Variants in LEPROT observed in about 807,000 individuals in gnomAD.
The protein encoded by LEPROT is leptin receptor gene-related protein.
A neutral mutation model predicts 15.4 loss-of-function variants in LEPROT; 3 were observed. That is an observed-to-expected ratio of 0.19 (90% CI 0.09 to 0.50). LEPROT has a LOEUF of 0.50. LEPROT is among the 20% of genes least tolerant of loss of function. LEPROT has a pLI of 0.97. For missense variants in LEPROT, 137 were observed against 162.2 expected, an observed-to-expected ratio of 0.84 and a Z score of 0.84; for synonymous variants, 59 against 57.5, an observed-to-expected ratio of 1.03 and a Z score of -0.12.
rs994212259 is a variant in LEPROT, at chr1:65,434,532, C to A, written c.*2613C>A. 3.0e-6 allele frequency: 3 copies of A among 984,826 alleles called. No individual in the cohort carries two copies. The highest frequency in any genetic ancestry group is 3.6e-6 in the Non-Finnish European group (3 of 829,568). 61.0% of individuals were successfully genotyped at this position (984,826 alleles called of 1,614,324 possible). ...TTGGTGATTGAGTTCCCAGGCCAAGCCTCCCTCAACAGGTTCAACTCTAAT... is the reference window on the plus strand; with the variant it reads ...TTGGTGATTGAGTTCCCAGGCCAAGACTCCCTCAACAGGTTCAACTCTAAT... On this transcript the variant is annotated 3_prime_UTR_variant, in exon 4 of 4. Coordinates refer to ENST00000371065, the MANE Select transcript of LEPROT (RefSeq NM_017526.5).
At chr1:65,428,322 C>T (rs946262221) in intron 2 of LEPROT, among the ~76,000 whole-genome samples, 2 of 151,976 alleles carry the variant, frequency 1.3e-5, no homozygotes, top group African/African-American at 4.8e-5. Flanking sequence ...CACTGTATTC[C>T]AGGAAAAATT....
At chr1:65,421,210 C>A in intron 1 of LEPROT, 1 of 1,093,114 alleles carries the variant, frequency 9.1e-7, no homozygotes, top group Non-Finnish European at 1.3e-6. Context: ...GCAGAGTTGA[C>A]CGCGGGCGGG....
rs904686740 is a variant in LEPROT at position 65,435,960 on chromosome 1, G to A, written c.*4041G>A. 1.0e-5 allele frequency: 10 copies of A among 985,078 alleles called. No individual in the cohort carries two copies. Among genetic ancestry groups the A allele is most frequent in the East Asian group, 2.3e-4 (2 of 8,836 alleles). 61.0% of individuals were successfully genotyped at this position (985,078 alleles called of 1,614,324 possible). A position where few individuals can be genotyped will look rare whatever the true frequency, so the allele number is the denominator to read the frequency against. On this transcript the variant is annotated 3_prime_UTR_variant, in exon 4 of 4. Coordinates refer to ENST00000371065, the MANE Select transcript of LEPROT (RefSeq NM_017526.5). ...TGATACATGTAACCCCAAATGTGATGTGAGAGGACGATTACTTTGTAAATA... is the reference window on the plus strand; with the variant it reads ...TGATACATGTAACCCCAAATGTGATATGAGAGGACGATTACTTTGTAAATA...
At position 65,431,979 on chromosome 1, in the gene LEPROT, T is replaced by A; in HGVS notation, c.*60T>A. 6.5e-7 allele frequency: 1 copy of A among 1,528,728 alleles called. No individual in the cohort carries two copies. 94.7% of individuals were successfully genotyped at this position (1,528,728 alleles called of 1,614,324 possible). On this transcript the variant is annotated 3_prime_UTR_variant, in exon 4 of 4. Transcript: ENST00000371065. Reference sequence around the variant, plus strand: ...AGAACTCATACTATCTGTATACATGTGCACATGCGGCATTTTACTATGAAA... The same window carrying A: ...AGAACTCATACTATCTGTATACATGAGCACATGCGGCATTTTACTATGAAA...
Position 65,434,056 on chromosome 1 carries a change from A to G in LEPROT, c.*2137A>G, listed in dbSNP as rs189785466. ...TTTTTGTTGCTTATACACATTTTCAATAACCAAGGTAGCCTTCATATGTAG... is the reference window on the plus strand; with the variant it reads ...TTTTTGTTGCTTATACACATTTTCAGTAACCAAGGTAGCCTTCATATGTAG... On this transcript the variant is annotated 3_prime_UTR_variant, in exon 4 of 4. Coordinates refer to ENST00000371065, the MANE Select transcript of LEPROT (RefSeq NM_017526.5). 6.1e-6 allele frequency: 6 copies of G among 985,262 alleles called. No homozygotes were observed. Among genetic ancestry groups the G allele is most frequent in the East Asian group, 1.1e-4 (1 of 8,826 alleles). 61.0% of individuals were successfully genotyped at this position (985,262 alleles called of 1,614,324 possible). A position where few individuals can be genotyped will look rare whatever the true frequency, so the allele number is the denominator to read the frequency against.
chr1:65,423,281 C>A (rs1378162975), intron 1 of LEPROT, among the ~76,000 whole-genome samples: 1 of 151,972 alleles, frequency 6.6e-6, no homozygotes, highest in African/African-American at 2.4e-5. Context: ...AAGTTTTCAG[C>A]AGGAGTGCGT....
At chr1:65,426,976 G>A (rs533064559) in intron 2 of LEPROT, among the ~76,000 whole-genome samples, 23 of 149,300 alleles carry the variant, frequency 1.5e-4, no homozygotes, top group East Asian at 6.3e-4. Context: ...CTAGCCTGGC[G>A]ACAGAGCAAG....
At chr1:65,429,123 G>T (rs1383597908) in intron 2 of LEPROT, among the ~76,000 whole-genome samples, 1 of 152,172 alleles carries the variant, frequency 6.6e-6, no homozygotes, top group African/African-American at 2.4e-5. Context: ...TTCAAAGAGG[G>T]TGGTATGTTC....
rs534127637 is a variant in LEPROT at position 65,424,935 on chromosome 1, A to G, written c.17-368A>G. The stretch of plus-strand genomic sequence containing the variant: ...GGGATGGAGCCGGGAAGGTTTCAAC[A>G]TGTGAATTTGAAAGGGACACACATA... On this transcript the variant is annotated intron_variant, in intron 1 of 3. Transcript: ENST00000371065. Among the ~76,000 whole-genome samples, 3 of 152,340 alleles carry G rather than the reference A, an allele frequency of 2.0e-5. No individual in the cohort carries two copies. In the South Asian group the frequency reaches 6.2e-4, roughly 32 times the overall value.
chr1:65,422,076 T>G (rs1646262206), intron 1 of LEPROT, among the ~76,000 whole-genome samples: 2 of 152,194 alleles, frequency 1.3e-5, no homozygotes, highest in Non-Finnish European at 2.9e-5. Context: ...GATGGTGGGT[T>G]GGATTTTGTC....
rs1248003312 is a variant in LEPROT, at chr1:65,432,795, AAG to A, written c.*881_*882del. The A allele has an allele frequency of 1.0e-4, 54 of 526,296 alleles. No homozygotes were observed. The highest frequency in any genetic ancestry group is 9.5e-4 in the Admixed American group (15 of 15,726). 32.6% of individuals were successfully genotyped at this position (526,296 alleles called of 1,614,324 possible). A position where few individuals can be genotyped will look rare whatever the true frequency, so the allele number is the denominator to read the frequency against. The stretch of plus-strand genomic sequence containing the variant: ...ATTGAATGTATATTTCAATATTGCT[AAG>A]AGAGTAAATTTCTAATGTTCTCATA... On this transcript the variant is annotated 3_prime_UTR_variant, in exon 4 of 4. Transcript: ENST00000371065.
chr1:65,427,764 T>C (rs1031593209), intron 2 of LEPROT: 43 of 405,358 alleles, frequency 1.1e-4, no homozygotes, highest in African/African-American at 7.5e-4. Flanking sequence ...ATCTTTATTT[T>C]AATTTTTTGT....
rs1646556325 is a variant in LEPROT, at chr1:65,435,888, T to A, written c.*3969T>A. ...TGCAAAAATCCCACTGAGTAATAGC[T>A]CATAAATTATAATCTTTCAAATAGC... On this transcript the variant is annotated 3_prime_UTR_variant, in exon 4 of 4. Transcript: ENST00000371065. 1 of 984,000 alleles carries A rather than the reference T, an allele frequency of 1.0e-6. No homozygotes were observed. 61.0% of individuals were successfully genotyped at this position (984,000 alleles called of 1,614,324 possible). A position where few individuals can be genotyped will look rare whatever the true frequency, so the allele number is the denominator to read the frequency against.
At chr1:65,428,975 T>TTAA (rs1168537334) in intron 2 of LEPROT, among the ~76,000 whole-genome samples, 1 of 152,176 alleles carries the variant, frequency 6.6e-6, no homozygotes, top group African/African-American at 2.4e-5. Context: ...TTTATTTTCA[T>TTAA]GCCTTCCGTA....
chr1:65,433,737 T>C lies in LEPROT; in HGVS notation c.*1818T>C, dbSNP rs914280706. On this transcript the variant is annotated 3_prime_UTR_variant, in exon 4 of 4. Transcript: ENST00000371065. ...AAAATTATTTAGATACTTTATAATT[T>C]TAACCGGCATTTTTAATAATGACAC... 2.2e-6 allele frequency: 2 copies of C among 920,654 alleles called. No individual in the cohort carries two copies. The highest frequency in any genetic ancestry group is 3.6e-5 in the African/African-American group (2 of 55,712). The allele number at this position is 920,654 out of a possible 1,614,324, so 57.0% of individuals were successfully genotyped here.
chr1:65,435,899 A>C lies in LEPROT; in HGVS notation c.*3980A>C. On this transcript the variant is annotated 3_prime_UTR_variant, in exon 4 of 4. Coordinates refer to ENST00000371065, the MANE Select transcript of LEPROT (RefSeq NM_017526.5). ...CACTGAGTAATAGCTCATAAATTAT[A>C]ATCTTTCAAATAGCCATGCTACCAG... 1 of 984,782 alleles carries C rather than the reference A, an allele frequency of 1.0e-6. No homozygotes were observed. The highest frequency in any genetic ancestry group is 1.2e-6 in the Non-Finnish European group (1 of 829,330). 61.0% of individuals were successfully genotyped at this position (984,782 alleles called of 1,614,324 possible).
rs1274015382 is a variant in LEPROT, at chr1:65,435,827, TCTC to T, written c.*3911_*3913del. Reference sequence around the variant, plus strand: ...TATTAGTTGTGCATTTTAATTTAATTCTCCTTTTTCCATTTTGTCTCATGAAGT... The same window carrying T: ...TATTAGTTGTGCATTTTAATTTAATTCTTTTTCCATTTTGTCTCATGAAGT... On this transcript the variant is annotated 3_prime_UTR_variant, in exon 4 of 4. Coordinates refer to ENST00000371065, the MANE Select transcript of LEPROT (RefSeq NM_017526.5). The T allele has an allele frequency of 4.1e-6, 4 of 983,016 alleles. No homozygotes were observed. The Admixed American group carries it at 1.8e-4, about 45-fold the overall frequency. 60.9% of individuals were successfully genotyped at this position (983,016 alleles called of 1,614,324 possible). A position where few individuals can be genotyped will look rare whatever the true frequency, so the allele number is the denominator to read the frequency against.
chr1:65,427,735 A>G, intron 2 of LEPROT: 1 of 375,614 alleles, frequency 2.7e-6, no homozygotes, highest in Non-Finnish European at 5.3e-6. Flanking sequence ...TACTGCTACT[A>G]CAAATAAGTT....
In LEPROT at chr1:65,434,681, C is replaced by G; in HGVS notation, c.*2762C>G. The G allele has an allele frequency of 1.0e-6, 1 of 985,420 alleles. No homozygotes were observed. Among genetic ancestry groups the G allele is most frequent in the Non-Finnish European group, 1.2e-6 (1 of 829,956 alleles). The allele number at this position is 985,420 out of a possible 1,614,324, so 61.0% of individuals were successfully genotyped here. ...CCCTTTTCCTAAGAACAAGGTCTTT[C>G]TCCTTTTAATTTTTCCACTCATTTT... On this transcript the variant is annotated 3_prime_UTR_variant, in exon 4 of 4. Transcript: ENST00000371065.
Sources: allele counts gnomAD v4.1 joint callset (sites outside exome capture counted in the v4.1 genomes callset), GRCh38; gene constraint gnomAD v4.1.1; transcripts MANE v1.5; gene names NCBI Gene and HGNC (gene_info 2026-07-23, HGNC 2026-07-21).